Variants in SPATA16 observed in about 807,000 individuals in gnomAD.
SPATA16 encodes spermatogenesis associated 16.
SPATA16 carries 36 observed loss-of-function variants against 63.3 expected under a neutral mutation model. The ratio of observed to expected loss-of-function variants is 0.57; its 90% CI spans 0.44 to 0.75. The LOEUF is 0.75. Among genes scored for constraint, SPATA16 ranks in the 30% least tolerant of loss-of-function variants. SPATA16 has a pLI of 0.00. For synonymous variants in SPATA16, 203 were observed against 216.7 expected, an observed-to-expected ratio of 0.94 and a Z score of 0.56; for missense variants, 646 against 679.3, an observed-to-expected ratio of 0.95 and a Z score of 0.54.
chr3:172,905,515 C>A (rs1313409497), intron 10 of SPATA16, among the ~76,000 whole-genome samples: 2 of 152,180 alleles, frequency 1.3e-5, no homozygotes, highest in Admixed American at 1.3e-4. Flanking sequence ...AACCAACTGC[C>A]CCTGCCTCAT....
chr3:173,012,411 G>A (rs539272458), intron 4 of SPATA16, among the ~76,000 whole-genome samples: 1 of 152,210 alleles, frequency 6.6e-6, no homozygotes, highest in South Asian at 2.1e-4. Context: ...ATTTTTCACA[G>A]CATTGGAAAA....
intron 2 of SPATA16, among the ~76,000 whole-genome samples, chr3:173,089,863 T>A (rs544807486): frequency 6.6e-6 from 1 of 152,272 alleles, no homozygotes; most frequent in South Asian, 2.1e-4. Flanking sequence ...GCCTAAGCCG[T>A]GGCTGAGATT....
intron 5 of SPATA16, among the ~76,000 whole-genome samples, chr3:172,958,691 C>A (rs1432747722): frequency 1.3e-5 from 2 of 152,154 alleles, no homozygotes; most frequent in Non-Finnish European, 2.9e-5. Flanking sequence ...GTGGTGTCAG[C>A]AGGTTTGGTT....
chr3:172,958,001 A>T (rs1733640551), intron 5 of SPATA16, among the ~76,000 whole-genome samples: 1 of 152,182 alleles, frequency 6.6e-6, no homozygotes. Context: ...CTAGCTTAAA[A>T]TTATGTAAAA....
intron 6 of SPATA16, among the ~76,000 whole-genome samples, chr3:172,939,479 C>G (rs1309439715): frequency 6.6e-6 from 1 of 152,036 alleles, no homozygotes; most frequent in Non-Finnish European, 1.5e-5. Flanking sequence ...TTAGCTTGAC[C>G]CCTGGCTGCA....
At chr3:172,944,315 A>T (rs1011163857) in intron 6 of SPATA16, among the ~76,000 whole-genome samples, 1 of 152,256 alleles carries the variant, frequency 6.6e-6, no homozygotes, top group African/African-American at 2.4e-5. Context: ...GTGAGATACC[A>T]CTTCATATCT....
At chr3:173,029,513 A>G (rs906437031) in intron 3 of SPATA16, among the ~76,000 whole-genome samples, 5 of 151,168 alleles carry the variant, frequency 3.3e-5, no homozygotes, top group Non-Finnish European at 5.9e-5. Flanking sequence ...TGACACCTTC[A>G]CATGCACTAG....
At chr3:172,988,479 C>T (rs1025222511) in intron 4 of SPATA16, among the ~76,000 whole-genome samples, 1 of 152,168 alleles carries the variant, frequency 6.6e-6, no homozygotes, top group Non-Finnish European at 1.5e-5. Flanking sequence ...ATATGCCAAT[C>T]GTGCTTGTCA....
rs562697663 is a variant in SPATA16 at position 173,045,090 on chromosome 3, C to A, written c.758+3859G>T. On this transcript the variant is annotated intron_variant, in intron 3 of 10. Coordinates refer to ENST00000351008, the MANE Select transcript of SPATA16 (RefSeq NM_031955.6). ...CTGCTGTATGGAATCTCTTTCCTCA[C>A]ATGCATGGCTCAGACCTTGGCTAAG... Among the ~76,000 whole-genome samples, 20 of 152,238 alleles carry A rather than the reference C, an allele frequency of 1.3e-4. No individual in the cohort carries two copies. In the Middle Eastern group the frequency reaches 0.01, roughly 78 times the overall value.
At chr3:173,051,932 C>T (rs112552012) in intron 2 of SPATA16, among the ~76,000 whole-genome samples, 17,497 of 151,846 alleles carry the variant, frequency 0.12, 1,175 homozygotes, top group East Asian at 0.21. Flanking sequence ...CTGCCTCAGC[C>T]GCCCAAGTAA....
At chr3:172,925,834 CT>C (rs924896222) in intron 6 of SPATA16, among the ~76,000 whole-genome samples, 4 of 150,866 alleles carry the variant, frequency 2.7e-5, no homozygotes, top group Non-Finnish European at 4.4e-5. Flanking sequence ...TTCGATTTTT[CT>C]TTTTTTTTAG....
chr3:172,924,046 T>G (rs1390643850), intron 8 of SPATA16, among the ~76,000 whole-genome samples, 162 bp downstream of exon 8: 1 of 152,198 alleles, frequency 6.6e-6, no homozygotes, highest in African/African-American at 2.4e-5. Flanking sequence ...ATAACAGAAA[T>G]AAAATCATTA....
intron 6 of SPATA16, among the ~76,000 whole-genome samples, chr3:172,946,117 C>A (rs1286129444): frequency 6.6e-6 from 1 of 152,190 alleles, no homozygotes; most frequent in Non-Finnish European, 1.5e-5. Flanking sequence ...TGGAAGGGAA[C>A]CTGCTGCCTT....
At chr3:173,060,969 A>C (rs1348901098) in intron 2 of SPATA16, among the ~76,000 whole-genome samples, 1 of 152,162 alleles carries the variant, frequency 6.6e-6, no homozygotes, top group Non-Finnish European at 1.5e-5. Context: ...AAGCCAAATG[A>C]TTGCTAATAG....
At chr3:173,043,124 A>T (rs1735881602) in intron 3 of SPATA16, among the ~76,000 whole-genome samples, 1 of 152,008 alleles carries the variant, frequency 6.6e-6, no homozygotes. Flanking sequence ...CTGCCTTTTA[A>T]CTGGAATTTT....
chr3:173,032,612 G>C (rs559961033), intron 3 of SPATA16, among the ~76,000 whole-genome samples: 8 of 152,192 alleles, frequency 5.3e-5, no homozygotes, highest in Admixed American at 2.0e-4. Flanking sequence ...TCATCCAAAG[G>C]AGTATTACCA....
intron 4 of SPATA16, among the ~76,000 whole-genome samples, chr3:173,001,372 C>G (rs1734824697): frequency 6.6e-6 from 1 of 151,498 alleles, no homozygotes; most frequent in Non-Finnish European, 1.5e-5. Context: ...AGTAAAACCA[C>G]AGCAGGCTAG....
At chr3:173,009,292 G>A (rs1445505579) in intron 4 of SPATA16, among the ~76,000 whole-genome samples, 5 of 152,192 alleles carry the variant, frequency 3.3e-5, no homozygotes, top group Admixed American at 3.3e-4. Context: ...CCAAAAGAGA[G>A]GAGCAAAGCA....
chr3:172,937,621 T>G (rs1733036953), intron 6 of SPATA16, among the ~76,000 whole-genome samples: 2 of 152,158 alleles, frequency 1.3e-5, no homozygotes, highest in African/African-American at 4.8e-5. Context: ...CTCTGATTAC[T>G]AAGAAGGTGG....
Sources: allele counts gnomAD v4.1 joint callset (sites outside exome capture counted in the v4.1 genomes callset), GRCh38; gene constraint gnomAD v4.1.1; transcripts MANE v1.5; gene names NCBI Gene and HGNC (gene_info 2026-07-23, HGNC 2026-07-21).